TENM4: variants seen among roughly 807,000 people sequenced by gnomAD.
TENM4 encodes teneurin transmembrane protein 4.
In TENM4, 82 loss-of-function variants were observed where a neutral mutation model predicts 243.3. The observed-to-expected ratio is 0.34, with a 90% CI of 0.28 to 0.40. The LOEUF (loss-of-function observed/expected upper bound fraction) is 0.40, where lower values mean the gene tolerates loss of function less well. TENM4 is among the 10% of genes least tolerant of loss of function. The pLI, the probability that TENM4 is intolerant of heterozygous loss-of-function variation, is 1.00. For missense variants in TENM4, 3,138 were observed against 3,673.3 expected, an observed-to-expected ratio of 0.85 and a Z score of 3.77; for synonymous variants, 1,412 against 1,456.3, an observed-to-expected ratio of 0.97 and a Z score of 0.69.
intron 2 of TENM4, among the ~76,000 whole-genome samples, chr11:79,281,884 G>A (rs149506309): frequency 1.7e-4 from 26 of 152,308 alleles, no homozygotes; most frequent in South Asian, 4.1e-4. Context: ...CCAATTCAGC[G>A]CTGTACCTTT....
chr11:79,042,400 C>A (rs1374283950), intron 6 of TENM4, among the ~76,000 whole-genome samples: 3 of 152,134 alleles, frequency 2.0e-5, no homozygotes, highest in Non-Finnish European at 2.9e-5. Context: ...GGAGGTGGGG[C>A]CTTTGGGAGA....
At chr11:78,664,328 T>G (rs1858098630) in intron 32 of TENM4, among the ~76,000 whole-genome samples, 1 of 152,048 alleles carries the variant, frequency 6.6e-6, no homozygotes, top group South Asian at 2.1e-4. Flanking sequence ...TTGAGTGGCA[T>G]GGGTTCAAGA....
At chr11:79,239,186 C>G (rs1864541323) in intron 2 of TENM4, among the ~76,000 whole-genome samples, 1 of 152,214 alleles carries the variant, frequency 6.6e-6, no homozygotes, top group African/African-American at 2.4e-5. Flanking sequence ...TCCTCTGCAC[C>G]TCCACAGAGC....
intron 3 of TENM4, among the ~76,000 whole-genome samples, chr11:79,188,051 T>C (rs1863410017): frequency 6.6e-6 from 1 of 152,242 alleles, no homozygotes; most frequent in South Asian, 2.1e-4. Flanking sequence ...TAGCTTTGCC[T>C]GCATGCCAAA....
At chr11:78,899,198 G>A (rs1855869621) in intron 7 of TENM4, among the ~76,000 whole-genome samples, 1 of 152,158 alleles carries the variant, frequency 6.6e-6, no homozygotes, top group Non-Finnish European at 1.5e-5. Context: ...AAGCCACTGA[G>A]TATGAAGCAC....
At chr11:79,207,033 C>T (rs1863862728) in intron 3 of TENM4, among the ~76,000 whole-genome samples, 1 of 152,162 alleles carries the variant, frequency 6.6e-6, no homozygotes, top group African/African-American at 2.4e-5. Flanking sequence ...TCTAGAAATG[C>T]CCCCATGTGC....
intron 8 of TENM4, 112 bp downstream of exon 8, chr11:78,891,126 C>T (rs1855654398): frequency 4.3e-6 from 4 of 936,218 alleles, no homozygotes; most frequent in Non-Finnish European, 6.6e-6. Flanking sequence ...ATGAGCATGC[C>T]ACATGGATCA....
At chr11:79,319,699 A>G (rs934051252) in intron 1 of TENM4, among the ~76,000 whole-genome samples, 5 of 152,000 alleles carry the variant, frequency 3.3e-5, no homozygotes, top group Non-Finnish European at 4.4e-5. Flanking sequence ...AAATATGAGC[A>G]AACTAGATAC....
At chr11:79,340,396 T>G (rs1273144678) in intron 1 of TENM4, among the ~76,000 whole-genome samples, 3 of 152,054 alleles carry the variant, frequency 2.0e-5, no homozygotes, top group Admixed American at 2.0e-4. Context: ...GAGACAAATG[T>G]GACAGCCCCA....
chr11:79,362,872 G>A lies in TENM4; in HGVS notation c.-320-65329C>T, dbSNP rs550735177. Among the ~76,000 whole-genome samples the A allele has an allele frequency of 5.3e-5, 8 of 152,320 alleles. No homozygotes were observed. In the East Asian group the frequency reaches 5.8e-4, roughly 11 times the overall value. ...ACGTAGCAGTCAATGAGCTTTAACC[G>A]TTATTTTTAGACTGATTTTCTGGTG... is the stretch of plus-strand genomic sequence containing the variant. On this transcript the variant is annotated intron_variant, in intron 1 of 33. Transcript: ENST00000278550.
At chr11:78,735,262 C>G (rs951181807) in intron 20 of TENM4, among the ~76,000 whole-genome samples, 1 of 152,164 alleles carries the variant, frequency 6.6e-6, no homozygotes, top group Non-Finnish European at 1.5e-5. Flanking sequence ...CAGAGAAACA[C>G]CTGAGGTGGG....
intron 16 of TENM4, among the ~76,000 whole-genome samples, chr11:78,782,756 ACT>A (rs1856863081): frequency 7.3e-6 from 1 of 136,154 alleles, no homozygotes; most frequent in Admixed American, 7.6e-5. Context: ...ACAGAGTGAG[ACT>A]CTGTCTTTTT....
chr11:79,414,668 A>C (rs977663649), intron 1 of TENM4, among the ~76,000 whole-genome samples: 1 of 152,160 alleles, frequency 6.6e-6, no homozygotes, highest in Non-Finnish European at 1.5e-5. Context: ...GCAGAAGCAA[A>C]AAAAACACAA....
At chr11:78,731,472 A>G (rs1214366516) in intron 21 of TENM4, among the ~76,000 whole-genome samples, 1 of 152,172 alleles carries the variant, frequency 6.6e-6, no homozygotes, top group Non-Finnish European at 1.5e-5. Flanking sequence ...AAATATATAA[A>G]ATCCCTGCTC....
At chr11:79,239,668 G>A (rs564679474) in intron 2 of TENM4, among the ~76,000 whole-genome samples, 9 of 152,262 alleles carry the variant, frequency 5.9e-5, no homozygotes, top group East Asian at 3.9e-4. Context: ...ACTAACAGTC[G>A]TTTGCTACTA....
intron 26 of TENM4, among the ~76,000 whole-genome samples, chr11:78,708,939 T>TA (rs1357383679): frequency 7.5e-6 from 1 of 133,998 alleles, no homozygotes; most frequent in African/African-American, 3.4e-5. Flanking sequence ...CCCTTTTTGG[T>TA]AACCATTTTT....
At chr11:78,988,123 A>C (rs554807871) in intron 6 of TENM4, among the ~76,000 whole-genome samples, 1 of 152,352 alleles carries the variant, frequency 6.6e-6, no homozygotes, top group South Asian at 2.1e-4. Flanking sequence ...AGCACATAGA[A>C]GATATTGTGG....
At chr11:79,218,769 A>G (rs2135233678) in intron 2 of TENM4, among the ~76,000 whole-genome samples, 1 of 152,358 alleles carries the variant, frequency 6.6e-6, no homozygotes, top group African/African-American at 2.4e-5. Flanking sequence ...TAGACAAAAC[A>G]AAGACAGTTA....
intron 2 of TENM4, among the ~76,000 whole-genome samples, chr11:79,247,217 G>C (rs1855533623): frequency 6.6e-6 from 1 of 151,902 alleles, no homozygotes; most frequent in African/African-American, 2.4e-5. Context: ...AGGAGATTGA[G>C]ACCAGCCTGG....
Sources: gnomAD v4.1 joint callset for allele counts (sites outside exome capture counted in the v4.1 genomes callset) on GRCh38, gnomAD v4.1.1 for gene constraint, MANE v1.5 for transcripts, NCBI Gene and HGNC (gene_info 2026-07-23, HGNC 2026-07-21) for gene names.